The following SLC8A1 variants were observed in gnomAD, a reference collection of about 807,000 sequenced individuals.
SLC8A1 encodes sodium/calcium exchanger 1.
SLC8A1 carries 18 observed loss-of-function variants against 68.3 expected under a neutral mutation model. That is an observed-to-expected ratio of 0.26 (90% confidence interval 0.18 to 0.39). The LOEUF is 0.39. Among genes scored for constraint, SLC8A1 ranks in the 10% least tolerant of loss-of-function variants. The pLI, the probability that SLC8A1 is intolerant of heterozygous loss-of-function variation, is 1.00. For missense variants in SLC8A1, 985 were observed against 1,156.7 expected (o/e 0.85, Z 2.15); for synonymous variants, 475 against 415.5 (o/e 1.14, Z -1.74).
intron 1 of SLC8A1, among the ~76,000 whole-genome samples, chr2:40,487,118 A>G (rs940278264): frequency 6.6e-6 from 1 of 151,984 alleles, no homozygotes; most frequent in Non-Finnish European, 1.5e-5. Flanking sequence ...TTAAATGTCC[A>G]CTTCATTTTT....
At chr2:40,406,960 C>T (rs1298337748) in intron 2 of SLC8A1, among the ~76,000 whole-genome samples, 1 of 151,460 alleles carries the variant, frequency 6.6e-6, no homozygotes, top group Non-Finnish European at 1.5e-5. Flanking sequence ...GTTTTTTTTA[C>T]TTCATGATGA....
At chr2:40,191,075 G>A (rs916842642) in intron 2 of SLC8A1, among the ~76,000 whole-genome samples, 3 of 152,186 alleles carry the variant, frequency 2.0e-5, no homozygotes, top group Admixed American at 2.0e-4. Context: ...GTTGAGTAGT[G>A]TGCCTCTATA....
At chr2:40,475,688 A>T (rs1439207093) in intron 1 of SLC8A1, among the ~76,000 whole-genome samples, 1 of 152,124 alleles carries the variant, frequency 6.6e-6, no homozygotes, top group African/African-American at 2.4e-5. Flanking sequence ...AAATACATAA[A>T]TACATATTTT....
chr2:40,403,347 A>G (rs985502143), intron 2 of SLC8A1, among the ~76,000 whole-genome samples: 3 of 152,246 alleles, frequency 2.0e-5, no homozygotes, highest in African/African-American at 7.2e-5. Flanking sequence ...TTAGCAGGTT[A>G]TCAATGTAAA....
At chr2:40,191,316 G>A (rs1486477964) in intron 2 of SLC8A1, among the ~76,000 whole-genome samples, 3 of 151,824 alleles carry the variant, frequency 2.0e-5, no homozygotes, top group East Asian at 1.9e-4. Context: ...ATCTTTTCTG[G>A]GTATTCCATT....
At chr2:40,350,839 C>T (rs1324796861) in intron 2 of SLC8A1, among the ~76,000 whole-genome samples, 1 of 151,964 alleles carries the variant, frequency 6.6e-6, no homozygotes, top group African/African-American at 2.4e-5. Flanking sequence ...TATAAATTAT[C>T]TATAATTCTC....
intron 2 of SLC8A1, among the ~76,000 whole-genome samples, chr2:40,288,351 C>T (rs958741760): frequency 6.6e-6 from 1 of 152,152 alleles, no homozygotes; most frequent in Non-Finnish European, 1.5e-5. Flanking sequence ...CAATAGGCTT[C>T]AGAGGGAATA....
intron 1 of SLC8A1, among the ~76,000 whole-genome samples, chr2:40,442,307 C>G (rs867063467): frequency 7.1e-6 from 1 of 141,422 alleles, no homozygotes; most frequent in Non-Finnish European, 1.5e-5. Context: ...TCAGAGTGAA[C>G]AAGCAACCTA....
At chr2:40,399,902 G>T (rs1688159959) in intron 2 of SLC8A1, among the ~76,000 whole-genome samples, 1 of 152,154 alleles carries the variant, frequency 6.6e-6, no homozygotes, top group South Asian at 2.1e-4. Context: ...TCCACAAGCA[G>T]ACCGCCCGGC....
chr2:40,276,636 T>G (rs145539678), intron 2 of SLC8A1, among the ~76,000 whole-genome samples: 1 of 152,086 alleles, frequency 6.6e-6, no homozygotes, highest in Non-Finnish European at 1.5e-5. Context: ...TTAAGGGAGG[T>G]TGCAGTCAAG....
At chr2:40,320,279 G>A (rs1445113334) in intron 2 of SLC8A1, among the ~76,000 whole-genome samples, 5 of 151,610 alleles carry the variant, frequency 3.3e-5, no homozygotes, top group Admixed American at 1.3e-4. Flanking sequence ...ATAAACATCC[G>A]ATGTTTTCAT....
intron 2 of SLC8A1, among the ~76,000 whole-genome samples, chr2:40,282,420 A>G (rs759353483): frequency 3.9e-4 from 59 of 152,334 alleles, no homozygotes; most frequent in Non-Finnish European, 7.4e-4. Context: ...TACCCAAGAC[A>G]TTGAGCATCC....
At chr2:40,280,791 C>G (rs756375216) in intron 2 of SLC8A1, among the ~76,000 whole-genome samples, 1 of 152,138 alleles carries the variant, frequency 6.6e-6, no homozygotes, top group Non-Finnish European at 1.5e-5. Context: ...TGAATGGAGT[C>G]TTTGAAGACC....
intron 2 of SLC8A1, among the ~76,000 whole-genome samples, chr2:40,282,990 T>A (rs1478416879): frequency 1.3e-5 from 2 of 152,184 alleles, no homozygotes; most frequent in Non-Finnish European, 2.9e-5. Flanking sequence ...TGAAAAGACA[T>A]GATTTTTATT....
intron 4 of SLC8A1, among the ~76,000 whole-genome samples, chr2:40,166,366 A>G (rs1483779359): frequency 6.6e-6 from 1 of 152,338 alleles, no homozygotes; most frequent in South Asian, 2.1e-4. Flanking sequence ...AGAATGTAGC[A>G]TATTGATTAA....
rs147531643 is a variant in SLC8A1 at position 40,277,992 on chromosome 2, T to C, written c.1809-100137A>G. 2.0e-3 allele frequency among the ~76,000 whole-genome samples: 300 copies of C among 152,050 alleles called. 1 individual carries two copies. Among genetic ancestry groups the C allele is most frequent in the African/African-American group, 6.8e-3 (282 of 41,500 alleles). ...ACCAAGGCAAAGTAACTTATGTAAG[T>C]CTACATGATAGAACTAGGATTTGAC... On this transcript the variant is annotated intron_variant, in intron 2 of 7. Coordinates refer to ENST00000406785, the Ensembl canonical transcript of SLC8A1.
chr2:40,144,278 T>C (rs1276134328), intron 6 of SLC8A1, among the ~76,000 whole-genome samples: 2 of 152,172 alleles, frequency 1.3e-5, no homozygotes, highest in Non-Finnish European at 2.9e-5. Context: ...TAAGCTAAAT[T>C]CTTTCACATA....
chr2:40,233,098 C>T (rs1378845490), intron 2 of SLC8A1, among the ~76,000 whole-genome samples: 1 of 152,096 alleles, frequency 6.6e-6, no homozygotes, highest in African/African-American at 2.4e-5. Flanking sequence ...ATTTATAGTC[C>T]TTTGGGTATA....
At chr2:40,435,059 C>T (rs905540250) in intron 1 of SLC8A1, among the ~76,000 whole-genome samples, 1 of 152,140 alleles carries the variant, frequency 6.6e-6, no homozygotes, top group African/African-American at 2.4e-5. Context: ...AAGGCATATG[C>T]TGGCATTCCT....
Sources: allele counts gnomAD v4.1 joint callset (sites outside exome capture counted in the v4.1 genomes callset), GRCh38; gene constraint gnomAD v4.1.1; transcripts MANE v1.5; gene names NCBI Gene and HGNC (gene_info 2026-07-23, HGNC 2026-07-21).